The following CTNNA3 variants were observed in gnomAD, a reference collection of about 807,000 sequenced individuals.
The protein encoded by CTNNA3 is catenin alpha-3.
Under a neutral mutation model 95.7 loss-of-function variants are expected in CTNNA3, and 76 were observed. The observed-to-expected ratio is 0.79, with a 90% CI of 0.66 to 0.96. The LOEUF is 0.96. CTNNA3 is among the 40% of genes least tolerant of loss of function. The pLI, the probability that CTNNA3 is intolerant of heterozygous loss-of-function variation, is 0.00. For missense variants in CTNNA3, 1,191 were observed against 1,089.8 expected, an observed-to-expected ratio of 1.09 and a Z score of -1.31; for synonymous variants, 431 against 374.4, an observed-to-expected ratio of 1.15 and a Z score of -1.74.
rs545349875 is a variant in CTNNA3, at chr10:66,357,444, T to C, written c.1732+21708A>G. Among the ~76,000 whole-genome samples the C allele has an allele frequency of 1.8e-4, 27 of 152,214 alleles. No individual in the cohort carries two copies. The South Asian group carries it at 5.4e-3, about 30-fold the overall frequency. On this transcript the variant is annotated intron_variant, in intron 12 of 17. Coordinates refer to ENST00000433211, the MANE Select transcript of CTNNA3 (RefSeq NM_013266.4). ...TCTATCACCATAATCAATTTAAGAA[T>C]AAGTTTATCACCCCAAAAAGAAACT...
chr10:67,293,948 G>A (rs967560873), intron 5 of CTNNA3, among the ~76,000 whole-genome samples: 1 of 152,006 alleles, frequency 6.6e-6, no homozygotes, highest in Non-Finnish European at 1.5e-5. Flanking sequence ...CCAAGTCTTT[G>A]CTATTGTGAA....
chr10:67,733,922 T>G (rs997964158), intron 1 of CTNNA3, among the ~76,000 whole-genome samples: 3 of 152,194 alleles, frequency 2.0e-5, no homozygotes, highest in African/African-American at 7.2e-5. Flanking sequence ...TCCCTTTCCA[T>G]GAAAAGGTTC....
chr10:66,309,737 A>G (rs2091984504), intron 12 of CTNNA3, among the ~76,000 whole-genome samples: 1 of 139,774 alleles, frequency 7.2e-6, no homozygotes, highest in Non-Finnish European at 1.5e-5. Context: ...CCTTATATAG[A>G]TAGGGAAATA....
chr10:67,301,753 G>A (rs1401153870), intron 5 of CTNNA3, among the ~76,000 whole-genome samples: 4 of 152,072 alleles, frequency 2.6e-5, no homozygotes, highest in East Asian at 3.9e-4. Context: ...TGGATCACGA[G>A]GTCAGGAGAT....
chr10:67,283,812 G>A (rs1839491585), intron 5 of CTNNA3, among the ~76,000 whole-genome samples: 1 of 152,170 alleles, frequency 6.6e-6, no homozygotes, highest in South Asian at 2.1e-4. Context: ...GGCAAGAATT[G>A]AAGGTTGCTG....
chr10:66,146,559 G>T (rs563286692), intron 13 of CTNNA3, among the ~76,000 whole-genome samples: 37 of 152,070 alleles, frequency 2.4e-4, no homozygotes, highest in African/African-American at 6.0e-4. Context: ...TGTTTGTTTG[G>T]TTGGTTGGTT....
chr10:67,064,913 A>G (rs1289883022), intron 7 of CTNNA3, among the ~76,000 whole-genome samples: 3 of 152,358 alleles, frequency 2.0e-5, no homozygotes, highest in Middle Eastern at 3.4e-3. Flanking sequence ...GAAAAAAGTT[A>G]TATGAGGCAA....
In CTNNA3 at chr10:65,927,607, C is replaced by A. The variant is rs117336644; in HGVS notation, c.2401-6990G>T. On this transcript the variant is annotated intron_variant, in intron 17 of 17. Transcript: ENST00000433211. ...CATGGCATTACATGTGTAAGCTTCACGTATGTTGCTGCATGTACCAGTAGT... is the reference window on the plus strand; with the variant it reads ...CATGGCATTACATGTGTAAGCTTCAAGTATGTTGCTGCATGTACCAGTAGT... Among the ~76,000 whole-genome samples the A allele has an allele frequency of 4.6e-5, 7 of 152,232 alleles. No individual in the cohort carries two copies. The East Asian group carries it at 1.4e-3, about 29-fold the overall frequency.
intron 1 of CTNNA3, among the ~76,000 whole-genome samples, chr10:67,737,962 T>C (rs559504263): frequency 2.0e-5 from 3 of 152,236 alleles, no homozygotes; most frequent in Non-Finnish European, 4.4e-5. Flanking sequence ...TACAGGCACA[T>C]GTCAGTACCC....
At chr10:67,483,062 A>G (rs886578802) in intron 5 of CTNNA3, among the ~76,000 whole-genome samples, 13 of 152,204 alleles carry the variant, frequency 8.5e-5, no homozygotes, top group Middle Eastern at 3.4e-3. Flanking sequence ...CAAAACCACA[A>G]TGAGATACCA....
rs560278081 is a variant in CTNNA3, at chr10:66,301,639, A to C, written c.1733-21018T>G. Reference sequence around the variant, plus strand: ...GAAGAAAAATCACATAATAATATTAAAAGGAAAAGCATTTGACAAAATCCT... The same window carrying C: ...GAAGAAAAATCACATAATAATATTACAAGGAAAAGCATTTGACAAAATCCT... On this transcript the variant is annotated intron_variant, in intron 12 of 17. Coordinates refer to ENST00000433211, the MANE Select transcript of CTNNA3 (RefSeq NM_013266.4). Among the ~76,000 whole-genome samples the C allele has an allele frequency of 2.6e-5, 4 of 152,020 alleles. No individual in the cohort carries two copies. The South Asian group carries it at 8.3e-4, about 32-fold the overall frequency.
At chr10:66,612,793 A>ATT (rs1844373177) in intron 10 of CTNNA3, among the ~76,000 whole-genome samples, 2 of 151,816 alleles carry the variant, frequency 1.3e-5, no homozygotes, top group Admixed American at 6.6e-5. Context: ...CCCTTTTCGT[A>ATT]TTTTCCCAAA....
chr10:66,884,035 C>T (rs559480343), intron 7 of CTNNA3, among the ~76,000 whole-genome samples: 14 of 152,124 alleles, frequency 9.2e-5, no homozygotes, highest in African/African-American at 3.4e-4. Flanking sequence ...TGAAGGGGAG[C>T]TTGCATAGGC....
intron 14 of CTNNA3, among the ~76,000 whole-genome samples, chr10:66,073,621 T>C (rs2080486729): frequency 6.6e-6 from 1 of 152,140 alleles, no homozygotes. Context: ...ATTCTGTCAG[T>C]TGTCCATTTT....
At chr10:67,705,188 A>T (rs1336138935) in intron 1 of CTNNA3, among the ~76,000 whole-genome samples, 1 of 152,040 alleles carries the variant, frequency 6.6e-6, no homozygotes, top group Non-Finnish European at 1.5e-5. Flanking sequence ...TGGGACTGTA[A>T]ACTAGTTCAA....
At chr10:66,065,081 T>A (rs1316097243) in intron 15 of CTNNA3, among the ~76,000 whole-genome samples, 1 of 152,106 alleles carries the variant, frequency 6.6e-6, no homozygotes, top group Non-Finnish European at 1.5e-5. Context: ...AAAAGGAAAG[T>A]AATATAGAGT....
rs1218649850 is a variant in CTNNA3 at position 66,746,522 on chromosome 10, T to C, written c.1281+19742A>G. Among the ~76,000 whole-genome samples the C allele has an allele frequency of 2.0e-5, 3 of 152,326 alleles. No homozygotes were observed. The East Asian group carries it at 5.8e-4, about 29-fold the overall frequency. ...AATATTACTACAAGTATTATTTGCATAGCATTTTTTTTCCTTTTCTAAGTC... is the reference window on the plus strand; with the variant it reads ...AATATTACTACAAGTATTATTTGCACAGCATTTTTTTTCCTTTTCTAAGTC... On this transcript the variant is annotated intron_variant, in intron 9 of 17. Coordinates refer to ENST00000433211, the MANE Select transcript of CTNNA3 (RefSeq NM_013266.4).
chr10:65,955,665 G>GTTC (rs779778337), intron 17 of CTNNA3, among the ~76,000 whole-genome samples: 1 of 152,104 alleles, frequency 6.6e-6, no homozygotes, highest in African/African-American at 2.4e-5. Flanking sequence ...TTTGCCATTG[G>GTTC]TTCTGTTTGT....
intron 9 of CTNNA3, among the ~76,000 whole-genome samples, chr10:66,654,431 C>CTATT (rs1278623453): frequency 3.3e-5 from 5 of 151,990 alleles, no homozygotes; most frequent in Non-Finnish European, 7.4e-5. Flanking sequence ...GTTACAATGG[C>CTATT]TATTATCAAA....
Sources: gnomAD v4.1 joint callset for allele counts (sites outside exome capture counted in the v4.1 genomes callset) on GRCh38, gnomAD v4.1.1 for gene constraint, MANE v1.5 for transcripts, NCBI Gene and HGNC (gene_info 2026-07-23, HGNC 2026-07-21) for gene names.